Variants in NUBPL observed in about 807,000 individuals in gnomAD.
NUBPL encodes the protein iron-sulfur cluster transfer protein NUBPL.
A neutral mutation model predicts 45.7 loss-of-function variants in NUBPL; 31 were observed. That is an observed-to-expected ratio of 0.68 (90% CI 0.51 to 0.92). The LOEUF (loss-of-function observed/expected upper bound fraction) is 0.92. NUBPL is among the 40% of genes least tolerant of loss of function. The pLI is 0.00. For missense variants in NUBPL, 401 were observed against 398.7 expected, an observed-to-expected ratio of 1.01 and a Z score of -0.05; for synonymous variants, 144 against 140.9, an observed-to-expected ratio of 1.02 and a Z score of -0.15.
In NUBPL at chr14:31,629,594, G is replaced by A. The variant is rs903434027; in HGVS notation, c.382+30215G>A. ...TTGTAGCCTGATTAATAAACACACAGATATAGCAGTATAATGTATTTTATG... is the reference window on the plus strand; with the variant it reads ...TTGTAGCCTGATTAATAAACACACAAATATAGCAGTATAATGTATTTTATG... On this transcript the variant is annotated intron_variant, in intron 4 of 10. Transcript: ENST00000281081. Among the ~76,000 whole-genome samples the A allele has an allele frequency of 2.0e-5, 3 of 152,110 alleles. No homozygotes were observed. The East Asian group carries it at 5.8e-4, about 29-fold the overall frequency.
intron 7 of NUBPL, among the ~76,000 whole-genome samples, chr14:31,789,250 C>T (rs529142892): frequency 6.6e-6 from 1 of 152,092 alleles, no homozygotes; most frequent in South Asian, 2.1e-4. Context: ...GACGTGAACC[C>T]AGGAGGCAGA....
intron 10 of NUBPL, among the ~76,000 whole-genome samples, chr14:31,855,703 G>C (rs2040606444): frequency 6.6e-6 from 1 of 151,482 alleles, no homozygotes; most frequent in East Asian, 1.9e-4. Flanking sequence ...AGCTGTTAGG[G>C]CTCAAGCATA....
chr14:31,838,063 A>G (rs917849145), intron 8 of NUBPL, among the ~76,000 whole-genome samples: 1 of 152,144 alleles, frequency 6.6e-6, no homozygotes, highest in Non-Finnish European at 1.5e-5. Context: ...CACAGTATAA[A>G]CAAGTAAACG....
At chr14:31,688,662 T>TTG (rs1566501849) in intron 6 of NUBPL, among the ~76,000 whole-genome samples, 3 of 149,014 alleles carry the variant, frequency 2.0e-5, no homozygotes, top group South Asian at 2.1e-4. Context: ...GTTGTTGTTT[T>TTG]TTTTTTTTTT....
At chr14:31,586,649 T>A (rs1205754382) in intron 3 of NUBPL, among the ~76,000 whole-genome samples, 1 of 152,170 alleles carries the variant, frequency 6.6e-6, no homozygotes, top group African/African-American at 2.4e-5. Context: ...TCACTAGACA[T>A]TTTCTAGATT....
intron 7 of NUBPL, among the ~76,000 whole-genome samples, chr14:31,793,552 T>A (rs1018940485): frequency 2.0e-5 from 3 of 152,194 alleles, no homozygotes; most frequent in African/African-American, 7.2e-5. Context: ...CTGTTTTTCT[T>A]TCATCTTTGC....
At chr14:31,746,155 C>A (rs1453265697) in intron 6 of NUBPL, among the ~76,000 whole-genome samples, 1 of 151,962 alleles carries the variant, frequency 6.6e-6, no homozygotes, top group Non-Finnish European at 1.5e-5. Flanking sequence ...TTCTTCTCTC[C>A]CAATTTGGAT....
chr14:31,844,091 G>A (rs1001249523), intron 8 of NUBPL: 2 of 152,156 alleles, frequency 1.3e-5, no homozygotes, highest in Non-Finnish European at 2.9e-5. Flanking sequence ...GAACATGTCT[G>A]AGATATTTAT....
intron 6 of NUBPL, among the ~76,000 whole-genome samples, chr14:31,719,392 GT>G (rs780384447): frequency 2.0e-5 from 3 of 151,824 alleles, no homozygotes; most frequent in Non-Finnish European, 4.4e-5. Flanking sequence ...ATAATTGCAA[GT>G]ATATAGACAT....
chr14:31,809,273 T>G (rs2039753227), intron 7 of NUBPL, among the ~76,000 whole-genome samples: 1 of 152,204 alleles, frequency 6.6e-6, no homozygotes, highest in African/African-American at 2.4e-5. Flanking sequence ...GGTAGGCTAT[T>G]AATTATTGCC....
At chr14:31,786,812 C>T (rs901953608) in intron 6 of NUBPL, among the ~76,000 whole-genome samples, 6 of 152,142 alleles carry the variant, frequency 3.9e-5, no homozygotes, top group African/African-American at 1.4e-4. Flanking sequence ...GCAGAGTGTT[C>T]TGGAGCTTAA....
chr14:31,694,433 T>C (rs2037168706), intron 6 of NUBPL, among the ~76,000 whole-genome samples: 1 of 152,208 alleles, frequency 6.6e-6, no homozygotes, highest in South Asian at 2.1e-4. Flanking sequence ...AGTAATTATT[T>C]ATTGAGCTGA....
At chr14:31,759,640 A>G (rs902096888) in intron 6 of NUBPL, among the ~76,000 whole-genome samples, 8 of 151,702 alleles carry the variant, frequency 5.3e-5, no homozygotes, top group Non-Finnish European at 8.8e-5. Context: ...TGATTTTTCA[A>G]CTTTACCATG....
Position 31,565,053 on chromosome 14 carries a change from G to A in NUBPL, c.291+5G>A. ...GCACTAGCAGCGAACGATTCGGTAG[G>A]TGTTTATTAATAGAAATATTAATTT... On this transcript the variant is annotated splice_donor_5th_base_variant and intron_variant, in intron 3 of 10. Transcript: ENST00000281081. The A allele has an allele frequency of 6.6e-7, 1 of 1,514,638 alleles. No homozygotes were observed. Among genetic ancestry groups the A allele is most frequent in the South Asian group, 1.2e-5 (1 of 81,206 alleles). The allele number at this position is 1,514,638 out of a possible 1,614,324, so 93.8% of individuals were successfully genotyped here. A position where few individuals can be genotyped will look rare whatever the true frequency, so the allele number is the denominator to read the frequency against.
At chr14:31,791,323 A>G (rs1470621913) in intron 7 of NUBPL, among the ~76,000 whole-genome samples, 1 of 152,154 alleles carries the variant, frequency 6.6e-6, no homozygotes, top group Non-Finnish European at 1.5e-5. Context: ...CCTAAAATTT[A>G]TTTTATGATT....
intron 6 of NUBPL, among the ~76,000 whole-genome samples, chr14:31,729,018 C>A (rs979715288): frequency 2.6e-5 from 4 of 152,172 alleles, no homozygotes; most frequent in Non-Finnish European, 4.4e-5. Flanking sequence ...CGGTGGCTCA[C>A]GCCTGTAATC....
intron 6 of NUBPL, 38 bp from the exon 7 acceptor site, chr14:31,787,742 A>C: frequency 7.4e-7 from 1 of 1,350,754 alleles, no homozygotes; most frequent in South Asian, 1.2e-5. Context: ...TCAACATTGA[A>C]TTTTTATACA....
intron 4 of NUBPL, among the ~76,000 whole-genome samples, chr14:31,647,850 C>T (rs1433723207): frequency 1.3e-5 from 2 of 152,182 alleles, no homozygotes; most frequent in Non-Finnish European, 2.9e-5. Context: ...CTTATTTGTA[C>T]CCATTGAAAA....
intron 6 of NUBPL, among the ~76,000 whole-genome samples, chr14:31,675,288 T>C (rs556415236): frequency 6.6e-6 from 1 of 152,362 alleles, no homozygotes; most frequent in South Asian, 2.1e-4. Flanking sequence ...ATATCTATCT[T>C]ACAGTCTTTC....
Sources: allele counts gnomAD v4.1 joint callset (sites outside exome capture counted in the v4.1 genomes callset), GRCh38; gene constraint gnomAD v4.1.1; transcripts MANE v1.5; gene names NCBI Gene and HGNC (gene_info 2026-07-23, HGNC 2026-07-21).